Variants in CLCN6 observed in about 807,000 individuals in gnomAD.
The protein encoded by CLCN6 is H(+)/Cl(-) exchange transporter 6.
Under a neutral mutation model 109.8 loss-of-function variants are expected in CLCN6, and 70 were observed. The ratio of observed to expected loss-of-function variants is 0.64; its 90% CI spans 0.53 to 0.78. CLCN6 has a LOEUF of 0.78. Ranked by LOEUF, CLCN6 falls within the 30% of genes least tolerant of loss-of-function variation. The pLI, the probability that CLCN6 is intolerant of heterozygous loss-of-function variation, is 0.00. For missense variants in CLCN6, 984 were observed against 1,142.3 expected (o/e 0.86, Z 2.00); for synonymous variants, 444 against 447.8 (o/e 0.99, Z 0.11).
At chr1:11,838,922 A>G (rs1644985886) in intron 22 of CLCN6, 2 of 718,712 alleles carry the variant, frequency 2.8e-6, no homozygotes, top group Non-Finnish European at 5.2e-6. Flanking sequence ...TCCTCCTGAA[A>G]TGTTGCTCTT....
chr1:11,826,339 G>C (rs1170399918), intron 9 of CLCN6, 125 bp downstream of exon 9: 3 of 768,630 alleles, frequency 3.9e-6, no homozygotes, highest in Non-Finnish European at 6.6e-6. Context: ...GGAGAAGGGG[G>C]CGGGCTTTGA....
chr1:11,827,071 T>A lies in CLCN6; in HGVS notation c.708-18T>A, dbSNP rs755937185. 6.2e-7 allele frequency: 1 copy of A among 1,612,404 alleles called. No individual in the cohort carries two copies. The highest frequency in any genetic ancestry group is 8.5e-7 in the Non-Finnish European group (1 of 1,179,318). ...TGGGGGCTCTTTATTGGATAACCCG[T>A]CTCTCTCCTCTCCTCAGAGACAAGA... is the stretch of plus-strand genomic sequence containing the variant. On this transcript the variant is annotated intron_variant, in intron 9 of 22. Coordinates refer to ENST00000346436, the MANE Select transcript of CLCN6 (RefSeq NM_001286.5).
At chr1:11,827,796 C>T (rs1037918956) in intron 10 of CLCN6, among the ~76,000 whole-genome samples, 38 of 152,192 alleles carry the variant, frequency 2.5e-4, no homozygotes, top group Admixed American at 5.2e-4. Context: ...GGACTGGAGC[C>T]GGTCTTCTCC....
At chr1:11,808,047 A>G (rs1438287824) in intron 2 of CLCN6, among the ~76,000 whole-genome samples, 1 of 151,960 alleles carries the variant, frequency 6.6e-6, no homozygotes, top group Non-Finnish European at 1.5e-5. Flanking sequence ...TTTTTTGTTT[A>G]ACTTTTATTA....
chr1:11,816,916 A>C, intron 4 of CLCN6, among the ~76,000 whole-genome samples: 1 of 152,038 alleles, frequency 6.6e-6, no homozygotes, highest in East Asian at 1.9e-4. Context: ...TGTGAAATGA[A>C]AGCGAGACAC....
chr1:11,824,615 G>A, intron 8 of CLCN6, 62 bp downstream of exon 8: 1 of 1,399,358 alleles, frequency 7.1e-7, no homozygotes, highest in Non-Finnish European at 9.9e-7. Flanking sequence ...TGGTTACACT[G>A]GGCCAAATCC....
At chr1:11,811,225 C>G (rs946409937) in intron 2 of CLCN6, among the ~76,000 whole-genome samples, 2 of 151,914 alleles carry the variant, frequency 1.3e-5, no homozygotes, top group Non-Finnish European at 2.9e-5. Context: ...AAAAGGGATT[C>G]TGGTGTTCTA....
At chr1:11,830,377 CAT>C (rs1375593371) in intron 13 of CLCN6, 1 of 151,794 alleles carries the variant, frequency 6.6e-6, no homozygotes, top group Non-Finnish European at 1.5e-5. Context: ...GGATGCAAAA[CAT>C]AAAAAAGAAC....
At chr1:11,823,999 G>A (rs1278051459) in intron 7 of CLCN6, among the ~76,000 whole-genome samples, 166 bp downstream of exon 7, 1 of 152,220 alleles carries the variant, frequency 6.6e-6, no homozygotes, top group Non-Finnish European at 1.5e-5. Context: ...CTGTTCGTAT[G>A]TTACCATTCA....
At position 11,827,237 on chromosome 1, in the gene CLCN6, A is replaced by T. The variant is rs114028508; in HGVS notation, c.840+16A>T. The T allele has an allele frequency of 7.2e-4, 1,152 of 1,606,292 alleles. 12 individuals carry two copies. The African/African-American group carries it at 0.014, about 20-fold the overall frequency. ...GTGGAAAGTGGTGAGGAGGACCTTC[A>T]GTGAAAGCATTAACCACACCCCCCG... On this transcript the variant is annotated intron_variant, in intron 10 of 22. Coordinates refer to ENST00000346436, the MANE Select transcript of CLCN6 (RefSeq NM_001286.5).
At chr1:11,822,572 A>T (rs1319480672) in intron 5 of CLCN6, 123 bp from the exon 6 acceptor site, 1 of 591,680 alleles carries the variant, frequency 1.7e-6, no homozygotes, top group Non-Finnish European at 3.0e-6. Flanking sequence ...AAATTTTTAT[A>T]TATAGAGAAA....
intron 2 of CLCN6, among the ~76,000 whole-genome samples, chr1:11,813,778 A>G (rs924269320): frequency 1.3e-5 from 2 of 152,176 alleles, no homozygotes; most frequent in African/African-American, 2.4e-5. Flanking sequence ...CTTAAGCACT[A>G]CCTCACGGAT....
In CLCN6 at chr1:11,819,535, G is replaced by A. The variant is rs759929293; in HGVS notation, c.327G>A (p.Lys109=). 6.2e-7 allele frequency: 1 copy of A among 1,614,166 alleles called. No homozygotes were observed. Among genetic ancestry groups the A allele is most frequent in the Non-Finnish European group, 8.5e-7 (1 of 1,180,030 alleles). The change falls in exon 5 of 23, where the codon AAG becomes AAA. Residue 109 remains lysine, a synonymous_variant. Coordinates refer to ENST00000346436, the MANE Select transcript of CLCN6 (RefSeq NM_001286.5). ...DFFVRLFTQL[K]FGVVQTSVEE... ...TTGTGCGACTCTTCACCCAACTCAA[G>A]TTCGGAGTGGTACAGACATGTATCC...
intron 20 of CLCN6, 65 bp from the exon 21 acceptor site, chr1:11,838,270 G>T (rs1253301656): frequency 2.1e-6 from 3 of 1,412,132 alleles, no homozygotes; most frequent in African/African-American, 2.8e-5. Flanking sequence ...AAGGGGAGGG[G>T]CTCTAAGGTG....
At chr1:11,838,882 C>A (rs964942634) in intron 22 of CLCN6, 11 of 731,200 alleles carry the variant, frequency 1.5e-5, no homozygotes, top group Non-Finnish European at 2.5e-5. Context: ...TCCTTTCCAG[C>A]CAGAGCCGCG....
chr1:11,817,674 C>T (rs185355087), intron 4 of CLCN6, among the ~76,000 whole-genome samples: 1 of 152,224 alleles, frequency 6.6e-6, no homozygotes, highest in Non-Finnish European at 1.5e-5. Flanking sequence ...GATAGGGTAT[C>T]TGTCCTCAGT....
In CLCN6 at chr1:11,838,373, C is replaced by T. The variant is rs376742792; in HGVS notation, c.2334C>T (p.Ala778=). Residue 778 remains alanine (A), a synonymous_variant, in exon 21 of 23, where the codon GCC becomes GCT. Transcript: ENST00000346436. ...CGCGCCTCTCCTATGCCGAGATGGC[C>T]GAGGACTACCCGCGGTACCCCGACA... ...SQPRLSYAEM[A]EDYPRYPDIH... 1.0e-4 allele frequency: 164 copies of T among 1,613,978 alleles called. No individual in the cohort carries two copies. In the South Asian group the frequency reaches 1.3e-3, roughly 13 times the overall value.
chr1:11,815,798 G>A, intron 2 of CLCN6, 48 bp from the exon 3 acceptor site: 1 of 1,469,842 alleles, frequency 6.8e-7, no homozygotes, highest in South Asian at 1.1e-5. Context: ...CCCTTTGCAG[G>A]TCTTCTCACC....
chr1:11,808,742 C>T, intron 2 of CLCN6, among the ~76,000 whole-genome samples: 1 of 147,172 alleles, frequency 6.8e-6, no homozygotes, highest in African/African-American at 2.5e-5. Flanking sequence ...TTTCTACTGT[C>T]TAGATTTTGC....
Sources: allele counts gnomAD v4.1 joint callset (sites outside exome capture counted in the v4.1 genomes callset), GRCh38; gene constraint gnomAD v4.1.1; transcripts MANE v1.5; gene names NCBI Gene and HGNC (gene_info 2026-07-23, HGNC 2026-07-21).